The following CFAP54 variants were observed in gnomAD, a reference collection of about 807,000 sequenced individuals.
CFAP54 encodes cilia- and flagella-associated protein 54.
CFAP54 carries 290 observed loss-of-function variants against 370.4 expected under a neutral mutation model. The ratio of observed to expected loss-of-function variants is 0.78; its 90% confidence interval spans 0.71 to 0.86. The LOEUF (loss-of-function observed/expected upper bound fraction) is 0.86, where lower values mean the gene tolerates loss of function less well. Among genes scored for constraint, CFAP54 ranks in the 40% least tolerant of loss-of-function variants. The probability of loss-of-function intolerance (pLI) is 0.00; values close to 1 mark genes in which losing one functional copy is unlikely to be tolerated. For missense variants in CFAP54, 3,399 were observed against 3,528.7 expected (o/e 0.96, Z 0.93); for synonymous variants, 1,206 against 1,236.5 (o/e 0.98, Z 0.52).
intron 48 of CFAP54, among the ~76,000 whole-genome samples, chr12:96,715,735 A>G (rs1156599035): frequency 2.0e-5 from 3 of 152,154 alleles, no homozygotes; most frequent in Non-Finnish European, 4.4e-5. Flanking sequence ...CAAAAGACAA[A>G]AGGCACTTTT....
At chr12:96,634,046 CTTTTTTTT>C (rs71437232) in intron 32 of CFAP54, among the ~76,000 whole-genome samples, 40 of 56,902 alleles carry the variant, frequency 7.0e-4, no homozygotes, top group Middle Eastern at 0.017. Context: ...TAGCGAACAT[CTTTTTTTT>C]TTTTTTTTTT....
intron 50 of CFAP54, 73 bp downstream of exon 50, chr12:96,720,638 T>G (rs1957740185): frequency 8.5e-7 from 1 of 1,170,086 alleles, no homozygotes; most frequent in Admixed American, 4.1e-5. Context: ...TAAATAGACT[T>G]AAATTTTATG....
chr12:96,621,880 T>C (rs1163506978), intron 27 of CFAP54, among the ~76,000 whole-genome samples, 159 bp downstream of exon 27: 1 of 49,802 alleles, frequency 2.0e-5, no homozygotes, highest in Non-Finnish European at 4.5e-5. Context: ...GGTTTGTTTT[T>C]TTTTTTTTTT....
At chr12:96,523,335 A>G (rs961607212) in intron 8 of CFAP54, among the ~76,000 whole-genome samples, 3 of 152,212 alleles carry the variant, frequency 2.0e-5, no homozygotes, top group African/African-American at 7.2e-5. Flanking sequence ...CAGAACCAGC[A>G]TCTCTAAGTC....
intron 26 of CFAP54, among the ~76,000 whole-genome samples, chr12:96,618,074 G>C (rs541884622): frequency 6.6e-6 from 1 of 151,940 alleles, no homozygotes; most frequent in East Asian, 1.9e-4. Context: ...CAGGGGAGGG[G>C]TGTCTTTTTC....
At position 96,512,305 on chromosome 12, in the gene CFAP54, A is replaced by ATT. The variant is rs1259545472; in HGVS notation, c.740-680_740-679insTT. Among the ~76,000 whole-genome samples, 5 of 10,814 alleles carry ATT rather than the reference A, an allele frequency of 4.6e-4. No individual in the cohort carries two copies. In the East Asian group the frequency reaches 6.1e-3, roughly 13 times the overall value. 7.1% of individuals were successfully genotyped at this position (10,814 alleles called of 152,430 possible). A position where few individuals can be genotyped will look rare whatever the true frequency, so the allele number is the denominator to read the frequency against. On this transcript the variant is annotated intron_variant, in intron 4 of 67. Transcript: ENST00000524981. ...AGGAAACCATGGGAACCAATTTTAT[A>ATT]TATATATATATATATATATATATAT... is the stretch of plus-strand genomic sequence containing the variant.
intron 63 of CFAP54, among the ~76,000 whole-genome samples, chr12:96,802,682 C>T (rs1179072557): frequency 6.6e-6 from 1 of 152,124 alleles, no homozygotes; most frequent in African/African-American, 2.4e-5. Flanking sequence ...TATACATTTG[C>T]AGAACATGCA....
At chr12:96,847,981 C>T (rs1959406386) in intron 66 of CFAP54, among the ~76,000 whole-genome samples, 2 of 152,206 alleles carry the variant, frequency 1.3e-5, no homozygotes, top group Admixed American at 6.5e-5. Flanking sequence ...AACATTTGAA[C>T]CAATTCTCTG....
chr12:96,646,194 T>A (rs973895070), intron 33 of CFAP54: 76 of 152,222 alleles, frequency 5.0e-4, no homozygotes, highest in African/African-American at 1.7e-3. Context: ...ATTTTTGCAA[T>A]CTACTCATCT....
At chr12:96,638,205 A>ATGTG (rs756775917) in intron 32 of CFAP54, among the ~76,000 whole-genome samples, 16,430 of 122,266 alleles carry the variant, frequency 0.13, 1,417 homozygotes, top group East Asian at 0.39. Flanking sequence ...ATATATATGC[A>ATGTG]TGTGTGTGTG....
chr12:96,794,536 C>A (rs769052396), intron 63 of CFAP54, among the ~76,000 whole-genome samples: 15 of 151,732 alleles, frequency 9.9e-5, no homozygotes, highest in Non-Finnish European at 1.8e-4. Context: ...ATTGTTGAGA[C>A]TTTCCATTGT....
At chr12:96,821,293 G>A (rs1056542034) in intron 65 of CFAP54, among the ~76,000 whole-genome samples, 5 of 152,046 alleles carry the variant, frequency 3.3e-5, no homozygotes, top group African/African-American at 9.7e-5. Flanking sequence ...AAATAAATGA[G>A]GTCGAGGGTA....
Position 96,811,940 on chromosome 12 carries a change from T to C in CFAP54, c.8957+98T>C, listed in dbSNP as rs1958932624. The C allele has an allele frequency of 1.7e-5, 11 of 629,618 alleles. No homozygotes were observed. In the South Asian group the frequency reaches 2.5e-4, roughly 14 times the overall value. 39.0% of individuals were successfully genotyped at this position (629,618 alleles called of 1,614,324 possible). On this transcript the variant is annotated intron_variant, in intron 64 of 67. Coordinates refer to ENST00000524981, the MANE Select transcript of CFAP54 (RefSeq NM_001306084.2). ...GCAAGGTGTAGCATAGGAGACCTGC[T>C]AAAAGGCACTTCGCGAAGAATCTTC...
At chr12:96,656,294 A>G (rs544009226) in intron 36 of CFAP54, among the ~76,000 whole-genome samples, 1 of 151,622 alleles carries the variant, frequency 6.6e-6, no homozygotes, top group East Asian at 2.0e-4. Flanking sequence ...TCAATAGACA[A>G]TTCTCTCCCC....
intron 50 of CFAP54, among the ~76,000 whole-genome samples, chr12:96,723,221 A>G (rs773172376): frequency 1.8e-4 from 28 of 152,218 alleles, no homozygotes; most frequent in Non-Finnish European, 4.1e-4. Context: ...AAAGTACAGT[A>G]TAACAACTAA....
At chr12:96,688,875 A>C in intron 42 of CFAP54, 41 bp from the exon 43 acceptor site, 1 of 1,276,238 alleles carries the variant, frequency 7.8e-7, no homozygotes. Context: ...TGTTTTTGGA[A>C]AATTTCTACT....
chr12:96,641,841 C>T (rs563023689), intron 32 of CFAP54, among the ~76,000 whole-genome samples: 3 of 151,094 alleles, frequency 2.0e-5, no homozygotes, highest in African/African-American at 4.9e-5. Context: ...AAAAACCAAA[C>T]ATCGCATGTT....
intron 26 of CFAP54, among the ~76,000 whole-genome samples, chr12:96,609,936 T>C (rs951185141): frequency 2.0e-5 from 3 of 151,878 alleles, no homozygotes; most frequent in African/African-American, 4.8e-5. Flanking sequence ...GGTAGACTTA[T>C]TGTCACAGAA....
At chr12:96,494,866 A>G (rs1254243559) in intron 1 of CFAP54, among the ~76,000 whole-genome samples, 1 of 151,932 alleles carries the variant, frequency 6.6e-6, no homozygotes, top group Non-Finnish European at 1.5e-5. Flanking sequence ...AGCTGGGACT[A>G]CAGGCGCAAC....
Sources: allele counts gnomAD v4.1 joint callset (sites outside exome capture counted in the v4.1 genomes callset), GRCh38; gene constraint gnomAD v4.1.1; transcripts MANE v1.5; gene names NCBI Gene and HGNC (gene_info 2026-07-23, HGNC 2026-07-21).